Variants in DGKG observed in about 807,000 individuals in gnomAD.
DGKG encodes diacylglycerol kinase gamma.
A neutral mutation model predicts 105.3 loss-of-function variants in DGKG; 78 were observed. The observed-to-expected ratio is 0.74, with a 90% CI of 0.62 to 0.89. The LOEUF is 0.89. DGKG is among the 40% of genes least tolerant of loss of function. The pLI is 0.00. For synonymous variants in DGKG, 346 were observed against 367.1 expected, an observed-to-expected ratio of 0.94 and a Z score of 0.66; for missense variants, 958 against 1,020.1, an observed-to-expected ratio of 0.94 and a Z score of 0.83.
chr3:186,206,906 C>T (rs939689547), intron 21 of DGKG, among the ~76,000 whole-genome samples: 1 of 152,166 alleles, frequency 6.6e-6, no homozygotes, highest in Non-Finnish European at 1.5e-5. Context: ...TGTGCCACCA[C>T]ACCCAGCTAA....
rs139820498 is a variant in DGKG at position 186,188,237 on chromosome 3, A to T, written c.2060T>A (p.Val687Asp). Residue 687 changes from valine to aspartate, a missense_variant, in exon 22 of 25, where the codon GTC becomes GAC. This residue lies in a region of DGKG where 315 missense variants were observed against 400.6 expected (regional missense o/e 0.79). Transcript: ENST00000265022. ...GAATTTCAGTTCTTTGGGGTCAGTG[A>T]CACCCTTCCTGCTTTCCCGGATCAC... is the stretch of plus-strand genomic sequence containing the variant. Reference protein sequence around the residue: ...RAVIRESRKGVTDPKELKFCV... With the variant: ...RAVIRESRKGDTDPKELKFCV... 1.9e-6 allele frequency: 3 copies of T among 1,613,970 alleles called. No homozygotes were observed. In the African/African-American group the frequency reaches 4.0e-5, roughly 22 times the overall value.
rs764645274 is a variant in DGKG at position 186,298,126 on chromosome 3, G to A, written c.248C>T (p.Pro83Leu). 2 of 1,614,150 alleles carry A rather than the reference G, an allele frequency of 1.2e-6. No homozygotes were observed. The highest frequency in any genetic ancestry group is 2.7e-5 in the African/African-American group (2 of 75,054). Residue 83 changes from proline to leucine, a missense_variant, in exon 4 of 25, where the codon CCC (proline) becomes CTC (leucine). Physicochemically the swap from Pro to Leu is moderately conservative, Grantham distance 98 (BLOSUM62 -3). Around this residue, in one of 2 missense-constraint regions of DGKG, gnomAD observed 643 missense variants for 619.5 expected, o/e 1.04. Transcript: ENST00000265022. ...THLFLAFSQK[P>L]RHETSDHPTE... ...CGGGTGGTCAGAGGTCTCGTGTCTG[G>A]GCTTCTGGCTGAAGGCCAGGAAGAG...
chr3:186,251,180 G>A (rs1392430294), intron 19 of DGKG, among the ~76,000 whole-genome samples: 3 of 152,198 alleles, frequency 2.0e-5, no homozygotes, highest in Non-Finnish European at 4.4e-5. Flanking sequence ...AATGGGGTGA[G>A]CATAAGGGCT....
In DGKG at chr3:186,226,205, C is replaced by A. The variant is rs949123541; in HGVS notation, c.1827-14320G>T. On this transcript the variant is annotated intron_variant, in intron 20 of 24. Coordinates refer to ENST00000265022, the MANE Select transcript of DGKG (RefSeq NM_001346.3). The surrounding 1 kb of genome is among the most constrained non-coding windows in gnomAD (Gnocchi z 4.2). ...GATTATTGTGAATTTTAAGATTATACCACCAAGGCTTGATTATTAAGGGAC... is the reference window on the plus strand; with the variant it reads ...GATTATTGTGAATTTTAAGATTATAACACCAAGGCTTGATTATTAAGGGAC... Among the ~76,000 whole-genome samples the A allele has an allele frequency of 1.3e-5, 2 of 152,152 alleles. No individual in the cohort carries two copies. The highest frequency in any genetic ancestry group is 4.8e-5 in the African/African-American group (2 of 41,416).
At chr3:186,328,575 C>CT (rs34252507) in intron 1 of DGKG, among the ~76,000 whole-genome samples, 43,372 of 140,976 alleles carry the variant, frequency 0.31, 7,779 homozygotes, top group African/African-American at 0.51. Context: ...CTACACCATT[C>CT]TTTTTTTTTT....
intron 1 of DGKG, among the ~76,000 whole-genome samples, chr3:186,351,286 T>C (rs1313976215): frequency 1.3e-5 from 2 of 152,220 alleles, no homozygotes; most frequent in African/African-American, 4.8e-5. Flanking sequence ...TTTATATTAA[T>C]TTGGTTATTT....
intron 18 of DGKG, 123 bp from the exon 19 acceptor site, chr3:186,252,042 T>A: frequency 5.5e-6 from 5 of 908,656 alleles, no homozygotes; most frequent in Non-Finnish European, 4.8e-6. Context: ...CCACTGTGTC[T>A]GTGGGCTAGA....
At chr3:186,278,383 G>T (rs547411292) in intron 9 of DGKG, among the ~76,000 whole-genome samples, 1 of 152,294 alleles carries the variant, frequency 6.6e-6, no homozygotes. Context: ...GGATCACATG[G>T]GTTCTTGTAC....
intron 21 of DGKG, among the ~76,000 whole-genome samples, chr3:186,191,450 C>A (rs1490568885): frequency 6.6e-6 from 1 of 152,158 alleles, no homozygotes; most frequent in Non-Finnish European, 1.5e-5. Flanking sequence ...CAAAGTGGCC[C>A]CTGAATGACA....
chr3:186,232,880 C>T (rs952976537), intron 20 of DGKG, among the ~76,000 whole-genome samples: 3 of 152,248 alleles, frequency 2.0e-5, no homozygotes, highest in African/African-American at 7.2e-5. Flanking sequence ...TCTGAATCAT[C>T]TAACATGGTT....
chr3:186,228,797 C>T (rs777263797), intron 20 of DGKG, among the ~76,000 whole-genome samples: 2 of 152,170 alleles, frequency 1.3e-5, no homozygotes, highest in Non-Finnish European at 2.9e-5. Flanking sequence ...TTGTTCACGT[C>T]CCTTCGTGAA....
At chr3:186,322,166 G>C (rs1725111389) in intron 1 of DGKG, among the ~76,000 whole-genome samples, 1 of 152,104 alleles carries the variant, frequency 6.6e-6, no homozygotes, top group Non-Finnish European at 1.5e-5. Flanking sequence ...CAAAGATATA[G>C]AATCAGCCTA....
intron 24 of DGKG, 25 bp from the exon 25 acceptor site, chr3:186,150,213 A>G: frequency 6.3e-7 from 1 of 1,597,328 alleles, no homozygotes; most frequent in Non-Finnish European, 8.5e-7. Flanking sequence ...GCAGAAATGA[A>G]TTAGTGGCAT....
intron 24 of DGKG, among the ~76,000 whole-genome samples, chr3:186,157,828 G>A (rs1480642682): frequency 6.6e-6 from 1 of 151,876 alleles, no homozygotes; most frequent in Admixed American, 6.6e-5. Flanking sequence ...TCAGCCTCCC[G>A]AGGAGCTGGA....
chr3:186,240,732 C>G (rs1230099675), intron 20 of DGKG, among the ~76,000 whole-genome samples: 7 of 151,060 alleles, frequency 4.6e-5, no homozygotes, highest in Admixed American at 6.6e-5. Flanking sequence ...ATTGTTTGAA[C>G]CCAGGAGGTG....
chr3:186,208,523 C>T (rs544640508), intron 21 of DGKG, among the ~76,000 whole-genome samples: 17 of 152,276 alleles, frequency 1.1e-4, no homozygotes, highest in Non-Finnish European at 2.4e-4. Flanking sequence ...GGTCACTGAA[C>T]CTGTCAACCT....
intron 5 of DGKG, among the ~76,000 whole-genome samples, chr3:186,294,783 G>A (rs1723470493): frequency 6.6e-6 from 1 of 152,086 alleles, no homozygotes; most frequent in Admixed American, 6.5e-5. Flanking sequence ...AGTTATCTGT[G>A]CCTTACGTCC....
At chr3:186,313,313 T>C (rs529602361) in intron 2 of DGKG, among the ~76,000 whole-genome samples, 1 of 152,330 alleles carries the variant, frequency 6.6e-6, no homozygotes, top group Non-Finnish European at 1.5e-5. Context: ...AGATGTTACA[T>C]ATGAAATAAT....
intron 19 of DGKG, among the ~76,000 whole-genome samples, chr3:186,250,773 C>A (rs939840468): frequency 1.3e-5 from 2 of 152,010 alleles, no homozygotes; most frequent in Non-Finnish European, 2.9e-5. Flanking sequence ...TGGTCTCGAA[C>A]TCCTGGCCTC....
Sources: gnomAD v4.1 joint callset for allele counts (sites outside exome capture counted in the v4.1 genomes callset) on GRCh38, gnomAD v4.1.1 for gene constraint, gnomAD v4.1.1 regional missense constraint, Gnocchi (gnomAD v3.1) non-coding constraint, MANE v1.5 for transcripts, NCBI Gene and HGNC (gene_info 2026-07-23, HGNC 2026-07-21) for gene names.